The following NALF1 variants were observed in gnomAD, a reference collection of about 807,000 sequenced individuals.
NALF1 encodes NALCN channel auxiliary factor 1.
In NALF1, 3 loss-of-function variants were observed where a neutral mutation model predicts 48.4. That is an observed-to-expected ratio of 0.06 (90% CI 0.03 to 0.16). The LOEUF (loss-of-function observed/expected upper bound fraction) is 0.16, where lower values mean the gene tolerates loss of function less well. Among genes scored for constraint, NALF1 ranks in the 10% least tolerant of loss-of-function variants. The pLI is 1.00. For missense variants in NALF1, 526 were observed against 571.5 expected, an observed-to-expected ratio of 0.92 and a Z score of 0.81; for synonymous variants, 262 against 245.7, an observed-to-expected ratio of 1.07 and a Z score of -0.62.
At chr13:107,473,216 T>TGTAGAGG (rs1225466339) in intron 1 of NALF1, among the ~76,000 whole-genome samples, 1 of 152,158 alleles carries the variant, frequency 6.6e-6, no homozygotes, top group Admixed American at 6.5e-5. Flanking sequence ...TTTTCATGAG[T>TGTAGAGG]GTAGGTCTAG....
intron 1 of NALF1, among the ~76,000 whole-genome samples, chr13:107,268,426 A>C (rs79470057): frequency 2.5e-5 from 2 of 81,380 alleles, no homozygotes; most frequent in African/African-American, 6.5e-5. Context: ...TACAACACCC[A>C]CACACACACA....
At chr13:107,517,344 C>T (rs545452698) in intron 1 of NALF1, among the ~76,000 whole-genome samples, 34 of 152,242 alleles carry the variant, frequency 2.2e-4, no homozygotes, top group Non-Finnish European at 4.1e-4. Context: ...AAAATTAAAA[C>T]TTAAGGCCAG....
At chr13:107,266,426 A>G (rs1490264435) in intron 1 of NALF1, among the ~76,000 whole-genome samples, 2 of 152,224 alleles carry the variant, frequency 1.3e-5, no homozygotes, top group African/African-American at 4.8e-5. Flanking sequence ...TACTGTTGAC[A>G]AGGTTTCACA....
At chr13:107,751,825 A>G (rs1424547704) in intron 1 of NALF1, among the ~76,000 whole-genome samples, 2 of 152,192 alleles carry the variant, frequency 1.3e-5, no homozygotes, top group Admixed American at 6.5e-5. Flanking sequence ...ATTGACTACT[A>G]GCAACATACA....
chr13:107,582,105 TA>T, intron 1 of NALF1, among the ~76,000 whole-genome samples: 1 of 150,696 alleles, frequency 6.6e-6, no homozygotes, highest in South Asian at 2.1e-4. Context: ...TTATCTACAC[TA>T]TATATAAAAT....
intron 1 of NALF1, among the ~76,000 whole-genome samples, chr13:107,661,327 A>G (rs1348181049): frequency 6.6e-6 from 1 of 152,220 alleles, no homozygotes; most frequent in African/African-American, 2.4e-5. Context: ...ACTAGGCTGC[A>G]TCATATACTT....
chr13:107,590,443 G>A (rs1878573895), intron 1 of NALF1, among the ~76,000 whole-genome samples: 1 of 151,948 alleles, frequency 6.6e-6, no homozygotes, highest in African/African-American at 2.4e-5. Context: ...AAAGAAAATA[G>A]TTTGAATTTT....
At chr13:107,562,710 G>C (rs1001922048) in intron 1 of NALF1, among the ~76,000 whole-genome samples, 4 of 152,172 alleles carry the variant, frequency 2.6e-5, no homozygotes, top group Admixed American at 6.5e-5. Context: ...TCATTCTTTA[G>C]ACATCTTTTG....
At chr13:107,664,972 GA>G (rs938111943) in intron 1 of NALF1, among the ~76,000 whole-genome samples, 6 of 98,800 alleles carry the variant, frequency 6.1e-5, no homozygotes, top group African/African-American at 3.2e-4. Context: ...ATGGGAAAGT[GA>G]AACAAAAAAA....
At chr13:107,297,949 C>T (rs1881755546) in intron 1 of NALF1, among the ~76,000 whole-genome samples, 2 of 152,066 alleles carry the variant, frequency 1.3e-5, no homozygotes, top group Non-Finnish European at 2.9e-5. Flanking sequence ...GTTCCTGAAC[C>T]ATCAAAGGGA....
chr13:107,431,210 T>G (rs1340699581), intron 1 of NALF1, among the ~76,000 whole-genome samples: 1 of 152,184 alleles, frequency 6.6e-6, no homozygotes, highest in East Asian at 1.9e-4. Flanking sequence ...CTTTTCATAA[T>G]TTGGTGCTCT....
At chr13:107,396,931 T>C (rs1176881587) in intron 1 of NALF1, among the ~76,000 whole-genome samples, 1 of 152,192 alleles carries the variant, frequency 6.6e-6, no homozygotes. Flanking sequence ...GTTTATATGT[T>C]TGCATGTGTA....
At chr13:107,697,380 T>C (rs1383419968) in intron 1 of NALF1, among the ~76,000 whole-genome samples, 1 of 152,144 alleles carries the variant, frequency 6.6e-6, no homozygotes, top group Non-Finnish European at 1.5e-5. Flanking sequence ...AAAAAATCAA[T>C]TCCAAGGGTT....
chr13:107,572,740 A>C (rs1388552172), intron 1 of NALF1, among the ~76,000 whole-genome samples: 1 of 152,188 alleles, frequency 6.6e-6, no homozygotes, highest in Admixed American at 6.5e-5. Context: ...AAGTTCCGAG[A>C]ACACGCTAAT....
At chr13:107,253,758 T>C (rs1880752593) in intron 1 of NALF1, among the ~76,000 whole-genome samples, 1 of 152,106 alleles carries the variant, frequency 6.6e-6, no homozygotes, top group African/African-American at 2.4e-5. Context: ...CCTGACTCAG[T>C]ACCTTTGTGC....
At chr13:107,459,575 T>C (rs1884883657) in intron 1 of NALF1, among the ~76,000 whole-genome samples, 1 of 152,118 alleles carries the variant, frequency 6.6e-6, no homozygotes, top group Admixed American at 6.5e-5. Context: ...ACACTGCACA[T>C]ATTTTCTCTG....
At chr13:107,200,069 G>T (rs1364247600) in intron 2 of NALF1, among the ~76,000 whole-genome samples, 1 of 152,202 alleles carries the variant, frequency 6.6e-6, no homozygotes, top group Non-Finnish European at 1.5e-5. Flanking sequence ...ACACACCAGA[G>T]GACATAAGTT....
At chr13:107,593,784 C>T (rs529839671) in intron 1 of NALF1, among the ~76,000 whole-genome samples, 1 of 149,368 alleles carries the variant, frequency 6.7e-6, no homozygotes, top group Admixed American at 6.8e-5. Context: ...GATCAATGAC[C>T]AACTCAGGAC....
At chr13:107,295,990 C>T (rs752877437) in intron 1 of NALF1, among the ~76,000 whole-genome samples, 2 of 152,168 alleles carry the variant, frequency 1.3e-5, no homozygotes, top group African/African-American at 2.4e-5. Flanking sequence ...AAGAAAAATG[C>T]TTGCCAGAAT....
Sources: gnomAD v4.1 joint callset for allele counts (sites outside exome capture counted in the v4.1 genomes callset) on GRCh38, gnomAD v4.1.1 for gene constraint, MANE v1.5 for transcripts, NCBI Gene and HGNC (gene_info 2026-07-23, HGNC 2026-07-21) for gene names.